ZNF831: variants seen among roughly 807,000 people sequenced by gnomAD.
The protein encoded by ZNF831 is zinc finger protein 831.
A neutral mutation model predicts 95.8 loss-of-function variants in ZNF831; 59 were observed. The ratio of observed to expected loss-of-function variants is 0.62; its 90% CI spans 0.50 to 0.77. The LOEUF (loss-of-function observed/expected upper bound fraction) is 0.77. Ranked by LOEUF, ZNF831 falls within the 30% of genes least tolerant of loss-of-function variation. ZNF831 has a pLI of 0.00. For synonymous variants in ZNF831, 961 were observed against 925.5 expected (o/e 1.04, Z -0.70); for missense variants, 2,205 against 2,164.0 (o/e 1.02, Z -0.38).
intron 2 of ZNF831, among the ~76,000 whole-genome samples, chr20:59,155,660 G>T (rs1327722859): frequency 6.6e-6 from 1 of 152,236 alleles, no homozygotes; most frequent in East Asian, 1.9e-4. Context: ...AGGCCGCACT[G>T]TCTACCCTGA....
chr20:59,233,036 ACACAC>A, intron 4 of ZNF831, among the ~76,000 whole-genome samples: 1 of 149,368 alleles, frequency 6.7e-6, no homozygotes, highest in South Asian at 2.1e-4. Flanking sequence ...ACACACACAC[ACACAC>A]ACATAGAGAG....
intron 4 of ZNF831, among the ~76,000 whole-genome samples, chr20:59,228,121 GCTTT>G (rs1400849927): frequency 2.0e-5 from 3 of 152,172 alleles, no homozygotes; most frequent in African/African-American, 7.2e-5. Flanking sequence ...AGCAGTATCT[GCTTT>G]CTATCAAATG....
intron 1 of ZNF831, among the ~76,000 whole-genome samples, chr20:59,168,280 A>G (rs79928099): frequency 0.083 from 12,624 of 152,256 alleles, 704 homozygotes; most frequent in Non-Finnish European, 0.12. Flanking sequence ...AGTGTTTTGT[A>G]GTTTTCAGTG....
At chr20:59,166,585 C>T (rs191993275) in intron 1 of ZNF831, among the ~76,000 whole-genome samples, 1 of 152,246 alleles carries the variant, frequency 6.6e-6, no homozygotes, top group East Asian at 1.9e-4. Flanking sequence ...CTCTCTCTCC[C>T]CCCCAACCCC....
Position 59,254,861 on chromosome 20 carries a change from C to G in ZNF831, c.*118C>G. ...GTGAAACACCTACAGATTAGGAAAG[C>G]CATTTTGAGTTATTTACAAGCCAAC... is the stretch of plus-strand genomic sequence containing the variant. On this transcript the variant is annotated 3_prime_UTR_variant, in exon 6 of 6. Transcript: ENST00000371030. The surrounding 1 kb of genome is among the most constrained non-coding windows in gnomAD (Gnocchi z 4.5). The G allele has an allele frequency of 1.4e-6, 2 of 1,410,368 alleles. No individual in the cohort carries two copies. Among genetic ancestry groups the G allele is most frequent in the Non-Finnish European group, 1.9e-6 (2 of 1,051,528 alleles). The allele number at this position is 1,410,368 out of a possible 1,614,324, so 87.4% of individuals were successfully genotyped here.
At position 59,193,672 on chromosome 20, in the gene ZNF831, G is replaced by A. The variant is rs2146587435; in HGVS notation, c.2653G>A (p.Ala885Thr). ...QVGEPLESSG[A>T]SLAAASVALK... ...GGGCGAGCCTCTGGAGTCCTCTGGA[G>A]CCTCCTTGGCTGCTGCTTCTGTTGC... is the stretch of plus-strand genomic sequence containing the variant. The change falls in exon 2 of 6, where the codon GCC (alanine) becomes ACC (threonine). Residue 885 changes from alanine (A) to threonine (T), a missense_variant. Ala to Thr is a moderately conservative substitution (Grantham distance 58). Coordinates refer to ENST00000371030, the MANE Select transcript of ZNF831 (RefSeq NM_178457.3). 1 of 1,613,020 alleles carries A rather than the reference G, an allele frequency of 6.2e-7. No homozygotes were observed. The highest frequency in any genetic ancestry group is 8.5e-7 in the Non-Finnish European group (1 of 1,179,774).
chr20:59,229,368 A>G (rs570932981), intron 4 of ZNF831, among the ~76,000 whole-genome samples: 16 of 152,290 alleles, frequency 1.1e-4, no homozygotes, highest in African/African-American at 3.9e-4. Flanking sequence ...CTGGCATGGC[A>G]TCACCTCTGT....
chr20:59,245,207 G>A (rs116805128), intron 4 of ZNF831, among the ~76,000 whole-genome samples: 2,490 of 152,318 alleles, frequency 0.016, 78 homozygotes, highest in African/African-American at 0.057. Context: ...CCACAGATGT[G>A]TTGGGTAGCA....
intron 4 of ZNF831, among the ~76,000 whole-genome samples, chr20:59,224,318 C>T (rs942796592): frequency 6.6e-6 from 1 of 152,162 alleles, no homozygotes; most frequent in East Asian, 1.9e-4. Flanking sequence ...TGGTAGCATC[C>T]TCTTCCAAGC....
chr20:59,235,890 A>G (rs1231322420), intron 4 of ZNF831, among the ~76,000 whole-genome samples: 1 of 152,248 alleles, frequency 6.6e-6, no homozygotes, highest in Non-Finnish European at 1.5e-5. Flanking sequence ...GCTGATGCTC[A>G]GTGCTGAAAG....
At chr20:59,141,309 T>C (rs1249053050) in intron 1 of ZNF831, among the ~76,000 whole-genome samples, 1 of 152,248 alleles carries the variant, frequency 6.6e-6, no homozygotes, top group Non-Finnish European at 1.5e-5. Context: ...TCAAAGTTTT[T>C]CTCCAATTTT....
chr20:59,129,375 C>T (rs1364730480), intron 1 of ZNF831, among the ~76,000 whole-genome samples: 1 of 152,088 alleles, frequency 6.6e-6, no homozygotes, highest in Non-Finnish European at 1.5e-5. Flanking sequence ...GCCTATAATC[C>T]CAGCACTTTG....
chr20:59,165,550 G>A (rs6026742), intron 1 of ZNF831, among the ~76,000 whole-genome samples: 22,517 of 152,050 alleles, frequency 0.15, 1,811 homozygotes, highest in African/African-American at 0.22. Flanking sequence ...TATCTCCAGG[G>A]TCTGGGAACT....
At chr20:59,198,782 C>A (rs549122199) in intron 3 of ZNF831, among the ~76,000 whole-genome samples, 2 of 152,284 alleles carry the variant, frequency 1.3e-5, no homozygotes, top group South Asian at 4.1e-4. Context: ...ATCATTGGTC[C>A]TTTTGTTGGC....
Position 59,191,445 on chromosome 20 carries a change from C to T in ZNF831, c.426C>T (p.Gly142=), listed in dbSNP as rs759482756. The change falls in exon 2 of 6, where the codon GGC becomes GGT. Residue 142 remains glycine (G), a synonymous_variant. Transcript: ENST00000371030. ...LGSPGKVRNA[G]KYLCPHCGRD... ...GCCCAGGCAAGGTGCGGAATGCGGGCAAGTACCTGTGTCCGCACTGTGGTC... is the reference window on the plus strand; with the variant it reads ...GCCCAGGCAAGGTGCGGAATGCGGGTAAGTACCTGTGTCCGCACTGTGGTC... The T allele has an allele frequency of 6.2e-7, 1 of 1,612,910 alleles. No homozygotes were observed. Among genetic ancestry groups the T allele is most frequent in the Admixed American group, 1.7e-5 (1 of 60,020 alleles).
At chr20:59,224,090 T>C (rs113624433) in intron 4 of ZNF831, among the ~76,000 whole-genome samples, 2 of 152,204 alleles carry the variant, frequency 1.3e-5, no homozygotes, top group Admixed American at 6.5e-5. Flanking sequence ...TGGGAGAATA[T>C]AGCAGGGCAC....
Position 59,192,415 on chromosome 20 carries a change from G to T in ZNF831, c.1396G>T (p.Ala466Ser), listed in dbSNP as rs1183698002. 4 of 1,611,064 alleles carry T rather than the reference G, an allele frequency of 2.5e-6. No homozygotes were observed. In the African/African-American group the frequency reaches 5.3e-5, roughly 22 times the overall value. ...CGCGCTGGAGCCAGGCCGTAGGAGG[G>T]CCCCGGGCCCCGTGCGCTCCACCTG... is the stretch of plus-strand genomic sequence containing the variant. ...IRALEPGRRR[A>S]PGPVRSTWTP... The change falls in exon 2 of 6, where the codon GCC becomes TCC. Residue 466 changes from alanine to serine, a missense_variant. Ala to Ser is a moderately conservative substitution (Grantham distance 99). Coordinates refer to ENST00000371030, the MANE Select transcript of ZNF831 (RefSeq NM_178457.3). The surrounding 1 kb of genome is among the most constrained non-coding windows in gnomAD (Gnocchi z 5.2).
intron 4 of ZNF831, among the ~76,000 whole-genome samples, chr20:59,238,955 CTA>C (rs1987158916): frequency 6.6e-6 from 1 of 152,128 alleles, no homozygotes; most frequent in Admixed American, 6.5e-5. Context: ...GTTTTCCTCT[CTA>C]TGAGAGAAAT....
At chr20:59,154,221 T>G (rs1980405825) in intron 2 of ZNF831, among the ~76,000 whole-genome samples, 1 of 152,146 alleles carries the variant, frequency 6.6e-6, no homozygotes, top group Non-Finnish European at 1.5e-5. Context: ...AGAGCCAGAT[T>G]TGGTTTTCCC....
Sources: gnomAD v4.1 joint callset for allele counts (sites outside exome capture counted in the v4.1 genomes callset) on GRCh38, gnomAD v4.1.1 for gene constraint, Gnocchi (gnomAD v3.1) non-coding constraint, MANE v1.5 for transcripts, NCBI Gene and HGNC (gene_info 2026-07-23, HGNC 2026-07-21) for gene names.